The following DPP6 variants were observed in gnomAD, a reference collection of about 807,000 sequenced individuals.
The protein encoded by DPP6 is dipeptidyl peptidase like 6.
In DPP6, 69 loss-of-function variants were observed where a neutral mutation model predicts 122.6. The observed-to-expected ratio is 0.56, with a 90% CI of 0.46 to 0.69. The LOEUF (loss-of-function observed/expected upper bound fraction) is 0.69. DPP6 is among the 30% of genes least tolerant of loss of function. DPP6 has a pLI of 0.00. For synonymous variants in DPP6, 418 were observed against 433.1 expected (o/e 0.97, Z 0.43); for missense variants, 928 against 1,116.9 (o/e 0.83, Z 2.41).
the DPP6 span, among the ~76,000 whole-genome samples, chr7:153,765,258 C>A: frequency 0.01 from 1,574 of 152,138 alleles, 11 homozygotes; most frequent in Middle Eastern, 0.02. Context: ...GTGCCCGGGC[C>A]GGGTGTGGTG....
At chr7:154,879,986 T>C (rs1281297583) in intron 20 of DPP6, among the ~76,000 whole-genome samples, 1 of 152,214 alleles carries the variant, frequency 6.6e-6, no homozygotes, top group Non-Finnish European at 1.5e-5. Context: ...AGTGACAGTG[T>C]CTCGACCAGG....
the DPP6 span, among the ~76,000 whole-genome samples, chr7:153,879,009 A>T: frequency 0.42 from 63,720 of 151,882 alleles, 13,712 homozygotes; most frequent in Middle Eastern, 0.52. Context: ...AAAGAAAAAA[A>T]ATGAAGCTGG....
intron 1 of DPP6, among the ~76,000 whole-genome samples, chr7:153,950,375 A>C (rs1295749202): frequency 6.6e-6 from 1 of 152,198 alleles, no homozygotes; most frequent in African/African-American, 2.4e-5. Context: ...GTAGAGCTGG[A>C]CTAGGAATTG....
exon 1 of DPP6, chr7:153,887,124 G>GCGCGCA (rs1398128676): frequency 1.9e-4 from 29 of 152,566 alleles, no homozygotes; most frequent in Non-Finnish European, 3.8e-4. Context: ...TGGCGCGCGC[G>GCGCGCA]CGCGCACACA....
intron 3 of DPP6, 198 bp downstream of exon 3, chr7:154,475,235 GT>G: frequency 1.8e-6 from 1 of 557,092 alleles, no homozygotes; most frequent in South Asian, 1.8e-5. Context: ...TTTTGTAATG[GT>G]GTTGCCTCCC....
intron 5 of DPP6, among the ~76,000 whole-genome samples, chr7:154,597,369 C>T (rs926972188): frequency 1.6e-4 from 24 of 151,818 alleles, no homozygotes; most frequent in African/African-American, 5.3e-4. Flanking sequence ...TTTGGGAGGC[C>T]GAGGCAGGCA....
At chr7:153,867,501 G>A in the DPP6 span, among the ~76,000 whole-genome samples, 7 of 152,298 alleles carry the variant, frequency 4.6e-5, no homozygotes, top group Admixed American at 3.9e-4. Flanking sequence ...CATTGATTTT[G>A]TATCCTGAGA....
intron 8 of DPP6, among the ~76,000 whole-genome samples, chr7:154,752,255 T>C (rs1393037817): frequency 1.3e-5 from 2 of 152,188 alleles, no homozygotes; most frequent in Non-Finnish European, 2.9e-5. Flanking sequence ...ACTATAATTA[T>C]CTCCAAAGTG....
chr7:154,014,311 G>A lies in DPP6; in HGVS notation c.51+126577G>A, dbSNP rs150768926. 6.5e-4 allele frequency among the ~76,000 whole-genome samples: 93 copies of A among 142,734 alleles called. 2 individuals carry two copies. The highest frequency in any genetic ancestry group is 7.1e-3 in the Middle Eastern group (2 of 280). 93.6% of individuals were successfully genotyped at this position (142,734 alleles called of 152,430 possible). A position where few individuals can be genotyped will look rare whatever the true frequency, so the allele number is the denominator to read the frequency against. On this transcript the variant is annotated intron_variant, in intron 1 of 25. Transcript: ENST00000404039. ...AACTTTCAAATTTATACTAGCATAA[G>A]GCCAACCTTATCTGTGACCATGAAT...
chr7:153,954,746 T>C (rs1430284619), intron 1 of DPP6, among the ~76,000 whole-genome samples: 1 of 152,222 alleles, frequency 6.6e-6, no homozygotes, highest in Non-Finnish European at 1.5e-5. Flanking sequence ...AGACGGCCTT[T>C]GGACTTGATG....
the DPP6 span, among the ~76,000 whole-genome samples, chr7:153,778,538 A>G: frequency 6.7e-6 from 1 of 149,900 alleles, no homozygotes; most frequent in Non-Finnish European, 1.5e-5. Context: ...AGAGTAAAAT[A>G]TACCCATTTT....
intron 1 of DPP6, among the ~76,000 whole-genome samples, chr7:154,062,735 G>A (rs1455411553): frequency 4.4e-5 from 3 of 67,718 alleles, no homozygotes; most frequent in African/African-American, 2.8e-4. Context: ...TAGGGGGGGG[G>A]AGGCACCCTC....
intron 6 of DPP6, among the ~76,000 whole-genome samples, chr7:154,658,161 C>T (rs1837393077): frequency 6.6e-6 from 1 of 152,154 alleles, no homozygotes; most frequent in East Asian, 1.9e-4. Context: ...AAAGGGTGAA[C>T]CCTAATGTCA....
At chr7:154,712,443 C>T (rs886589918) in intron 7 of DPP6, among the ~76,000 whole-genome samples, 1 of 152,102 alleles carries the variant, frequency 6.6e-6, no homozygotes, top group Non-Finnish European at 1.5e-5. Flanking sequence ...TGAAACTTCC[C>T]AATCCTCTAG....
intron 1 of DPP6, among the ~76,000 whole-genome samples, chr7:153,892,348 C>G (rs1333916718): frequency 6.6e-6 from 1 of 151,908 alleles, no homozygotes; most frequent in Non-Finnish European, 1.5e-5. Flanking sequence ...GAGTCTCACT[C>G]TGTCTCCCAG....
the DPP6 span, among the ~76,000 whole-genome samples, chr7:153,798,553 T>G: frequency 6.6e-6 from 1 of 152,036 alleles, no homozygotes; most frequent in Non-Finnish European, 1.5e-5. Flanking sequence ...TAAGTAAAAT[T>G]GTGTTCCTTA....
At chr7:154,736,888 T>C (rs1402013645) in intron 8 of DPP6, among the ~76,000 whole-genome samples, 10 of 152,250 alleles carry the variant, frequency 6.6e-5, no homozygotes, top group East Asian at 5.8e-4. Context: ...ATCACTCTTA[T>C]TAGAATTTCC....
At chr7:153,831,238 G>A in the DPP6 span, among the ~76,000 whole-genome samples, 2 of 152,144 alleles carry the variant, frequency 1.3e-5, no homozygotes, top group African/African-American at 4.8e-5. Context: ...AATAACAGTG[G>A]CAAACAAACT....
At chr7:154,114,295 C>A (rs1314486768) in intron 1 of DPP6, among the ~76,000 whole-genome samples, 2 of 152,166 alleles carry the variant, frequency 1.3e-5, no homozygotes, top group African/African-American at 4.8e-5. Flanking sequence ...CATGCACTGG[C>A]TGAGTTTGCT....
Sources: allele counts gnomAD v4.1 joint callset (sites outside exome capture counted in the v4.1 genomes callset), GRCh38; gene constraint gnomAD v4.1.1; transcripts MANE v1.5; gene names NCBI Gene and HGNC (gene_info 2026-07-23, HGNC 2026-07-21).